RARB: variants seen among roughly 807,000 people sequenced by gnomAD.
RARB encodes the protein HBV-activated protein.
In RARB, 17 loss-of-function variants were observed where a neutral mutation model predicts 51.9. The ratio of observed to expected loss-of-function variants is 0.33; its 90% confidence interval spans 0.22 to 0.49. The LOEUF (loss-of-function observed/expected upper bound fraction) is 0.49. Ranked by LOEUF, RARB falls within the 20% of genes least tolerant of loss-of-function variation. The pLI, the probability that RARB is intolerant of heterozygous loss-of-function variation, is 0.99. For missense variants in RARB, 369 were observed against 550.8 expected, an observed-to-expected ratio of 0.67 and a Z score of 3.30; for synonymous variants, 215 against 195.4, an observed-to-expected ratio of 1.10 and a Z score of -0.84.
intron 1 of RARB, among the ~76,000 whole-genome samples, chr3:24,835,722 T>A (rs894400160): frequency 5.9e-5 from 9 of 152,130 alleles, no homozygotes; most frequent in African/African-American, 1.4e-4. Flanking sequence ...AGGTTCTATA[T>A]CTATGAATAT....
At position 25,105,704 on chromosome 3, in the gene RARB, A is replaced by G. The variant is rs143405260; in HGVS notation, c.-327-26457A>G. Among the ~76,000 whole-genome samples, 171 of 152,250 alleles carry G rather than the reference A, an allele frequency of 1.1e-3. 1 individual carries two copies. The highest frequency in any genetic ancestry group is 3.4e-3 in the Middle Eastern group (1 of 294). On this transcript the variant is annotated intron_variant, in intron 3 of 11. Coordinates refer to the RARB transcript ENST00000383772. The stretch of plus-strand genomic sequence containing the variant: ...TAGTTGGGATTGTTTCCCATTCCCA[A>G]TGTTTTTACTTGCCAGTCTCTTTTT...
At chr3:24,958,265 T>G (rs1459970718) in intron 2 of RARB, among the ~76,000 whole-genome samples, 58 of 118,848 alleles carry the variant, frequency 4.9e-4, no homozygotes, top group East Asian at 2.5e-3. Context: ...GTTTTTTTTT[T>G]TTTTTTTTTT....
chr3:25,122,794 C>T (rs1284042976), intron 3 of RARB, among the ~76,000 whole-genome samples: 1 of 152,156 alleles, frequency 6.6e-6, no homozygotes, highest in African/African-American at 2.4e-5. Context: ...CTGCAGTCCA[C>T]CCCTCTAACC....
intron 2 of RARB, among the ~76,000 whole-genome samples, chr3:25,025,873 A>G (rs1217636686): frequency 1.3e-5 from 2 of 152,172 alleles, no homozygotes; most frequent in African/African-American, 4.8e-5. Context: ...AGAAATCTGT[A>G]GGAGCTATAT....
At chr3:25,254,130 A>T (rs921015597) in intron 5 of RARB, among the ~76,000 whole-genome samples, 1 of 152,170 alleles carries the variant, frequency 6.6e-6, no homozygotes, top group African/African-American at 2.4e-5. Flanking sequence ...TAAAATGTCA[A>T]CCCTTTCAAT....
chr3:24,861,899 A>G (rs1559374605), intron 2 of RARB, among the ~76,000 whole-genome samples: 1 of 152,248 alleles, frequency 6.6e-6, no homozygotes. Flanking sequence ...TCACAGTTTA[A>G]GAACCACTGG....
At chr3:25,567,367 C>G (rs1249965177) in intron 3 of RARB, among the ~76,000 whole-genome samples, 1 of 151,012 alleles carries the variant, frequency 6.6e-6, no homozygotes, top group Non-Finnish European at 1.5e-5. Flanking sequence ...TTGGATTGGC[C>G]TGTTCTGGAC....
rs115104407 is a variant in RARB at position 25,516,481 on chromosome 3, G to A, written c.448+15158G>A. On this transcript the variant is annotated intron_variant, in intron 3 of 7. Transcript: ENST00000330688. Reference sequence around the variant, plus strand: ...TGATTCATTCATTAAAGGGAACTGGGACTTCAAATGAATAATCAAATTGAG... The same window carrying A: ...TGATTCATTCATTAAAGGGAACTGGAACTTCAAATGAATAATCAAATTGAG... 3.0e-3 allele frequency among the ~76,000 whole-genome samples: 453 copies of A among 152,136 alleles called. 3 individuals are homozygous for A. Among genetic ancestry groups the A allele is most frequent in the African/African-American group, 0.011 (437 of 41,490 alleles).
chr3:24,949,585 C>G (rs993510739), intron 2 of RARB, among the ~76,000 whole-genome samples: 1 of 152,054 alleles, frequency 6.6e-6, no homozygotes, highest in Admixed American at 6.6e-5. Context: ...AATTTTGAGG[C>G]GAGAATATGT....
intron 5 of RARB, among the ~76,000 whole-genome samples, chr3:25,419,549 C>T (rs1300909837): frequency 6.6e-6 from 1 of 152,142 alleles, no homozygotes; most frequent in Non-Finnish European, 1.5e-5. Flanking sequence ...TCTCTGGTGC[C>T]TTTGTGTTCA....
chr3:24,959,477 G>C (rs574885420), intron 2 of RARB, among the ~76,000 whole-genome samples: 1 of 152,292 alleles, frequency 6.6e-6, no homozygotes, highest in East Asian at 1.9e-4. Flanking sequence ...CTCTCTGCCA[G>C]TGAAACACAG....
At chr3:25,174,806 C>T (rs559491128) in intron 5 of RARB, among the ~76,000 whole-genome samples, 23 of 152,248 alleles carry the variant, frequency 1.5e-4, no homozygotes, top group Non-Finnish European at 2.8e-4. Flanking sequence ...TGCTCTGTTT[C>T]ATAAAATGCA....
At chr3:24,869,520 C>A (rs1702908075) in intron 2 of RARB, among the ~76,000 whole-genome samples, 1 of 152,020 alleles carries the variant, frequency 6.6e-6, no homozygotes, top group Non-Finnish European at 1.5e-5. Context: ...AATCCCTTCA[C>A]AAAACTAGTT....
At chr3:25,229,251 T>C (rs1702122741) in intron 5 of RARB, among the ~76,000 whole-genome samples, 1 of 152,174 alleles carries the variant, frequency 6.6e-6, no homozygotes, top group East Asian at 1.9e-4. Context: ...GGTTATATTT[T>C]CTATTCTATT....
intron 2 of RARB, among the ~76,000 whole-genome samples, chr3:25,045,531 T>G (rs1330363216): frequency 6.6e-6 from 1 of 152,214 alleles, no homozygotes; most frequent in East Asian, 1.9e-4. Flanking sequence ...GGGCCTCTGT[T>G]TGTGTTCAAC....
At chr3:24,861,361 T>C (rs73152454) in intron 2 of RARB, among the ~76,000 whole-genome samples, 1,945 of 152,216 alleles carry the variant, frequency 0.013, 21 homozygotes, top group African/African-American at 0.044. Flanking sequence ...CAGTCCTCTA[T>C]GGTACCAAAG....
chr3:25,288,022 A>G (rs1396587993), intron 5 of RARB, among the ~76,000 whole-genome samples: 3 of 152,164 alleles, frequency 2.0e-5, no homozygotes. Context: ...TTAAAAATAA[A>G]GTTCATATTT....
chr3:24,983,916 A>G (rs1388825184), intron 2 of RARB, among the ~76,000 whole-genome samples: 1 of 152,228 alleles, frequency 6.6e-6, no homozygotes, highest in African/African-American at 2.4e-5. Context: ...GACATGTAGA[A>G]ATAGTGCAAT....
At chr3:25,269,592 C>G (rs1703205739) in intron 5 of RARB, among the ~76,000 whole-genome samples, 1 of 152,146 alleles carries the variant, frequency 6.6e-6, no homozygotes. Flanking sequence ...GTGTACTGCT[C>G]TTCACAGTAC....
Sources: gnomAD v4.1 joint callset for allele counts (sites outside exome capture counted in the v4.1 genomes callset) on GRCh38, gnomAD v4.1.1 for gene constraint, MANE v1.5 for transcripts, NCBI Gene and HGNC (gene_info 2026-07-23, HGNC 2026-07-21) for gene names.